The following CHD2 variants were observed in gnomAD, a reference collection of about 807,000 sequenced individuals.
The protein encoded by CHD2 is ATP-dependent chromatin remodeler CHD2.
Under a neutral mutation model 243.9 loss-of-function variants are expected in CHD2, and 28 were observed. The observed-to-expected ratio is 0.11, with a 90% CI of 0.09 to 0.16. CHD2 has a LOEUF of 0.16. CHD2 is among the 10% of genes least tolerant of loss of function. The pLI is 1.00. For missense variants in CHD2, 1,386 were observed against 2,209.8 expected (o/e 0.63, Z 7.47); for synonymous variants, 775 against 779.0 (o/e 0.99, Z 0.09).
At chr15:92,957,596 G>A (rs1376560673) in intron 16 of CHD2, among the ~76,000 whole-genome samples, 1 of 151,610 alleles carries the variant, frequency 6.6e-6, no homozygotes, top group Non-Finnish European at 1.5e-5. Flanking sequence ...AGCACCTGGT[G>A]CACAGTAAAC....
At chr15:93,005,581 TGGCAGCAAA>T (rs2141877523) in intron 34 of CHD2, among the ~76,000 whole-genome samples, 1 of 152,306 alleles carries the variant, frequency 6.6e-6, no homozygotes, top group South Asian at 2.1e-4. Context: ...TTCCATCCTG[TGGCAGCAAA>T]GGACCCTGTT....
intron 23 of CHD2, among the ~76,000 whole-genome samples, 198 bp from the exon 24 acceptor site, chr15:92,981,167 T>C (rs1385887824): frequency 6.6e-6 from 1 of 152,172 alleles, no homozygotes; most frequent in Non-Finnish European, 1.5e-5. Context: ...AAGTTTCACC[T>C]TGTCATTTGT....
At chr15:93,015,014 C>A (rs2054440620) in intron 37 of CHD2, 105 bp downstream of exon 37, 1 of 829,876 alleles carries the variant, frequency 1.2e-6, no homozygotes, top group Non-Finnish European at 2.0e-6. Context: ...GCTTTATTAT[C>A]TTCTAACACT....
intron 2 of CHD2, among the ~76,000 whole-genome samples, chr15:92,907,467 T>C (rs1336766573): frequency 1.3e-5 from 2 of 152,166 alleles, no homozygotes; most frequent in Non-Finnish European, 2.9e-5. Flanking sequence ...GTAGAGATAG[T>C]CTTGATTTTA....
intron 9 of CHD2, chr15:92,943,678 A>C (rs2053418035): frequency 6.4e-6 from 1 of 155,188 alleles, no homozygotes; most frequent in Non-Finnish European, 1.4e-5. Context: ...ATGTGGAGCT[A>C]TAGCACACAA....
intron 34 of CHD2, among the ~76,000 whole-genome samples, chr15:93,008,317 C>T (rs1074513): frequency 0.43 from 66,051 of 152,000 alleles, 15,167 homozygotes; most frequent in East Asian, 0.84. Context: ...GCTCAGAGGT[C>T]CTTTTATCCT....
At chr15:92,937,143 A>G (rs1035649395) in intron 5 of CHD2, among the ~76,000 whole-genome samples, 1 of 152,148 alleles carries the variant, frequency 6.6e-6, no homozygotes, top group African/African-American at 2.4e-5. Context: ...GATTACAGGC[A>G]TGGACCATCT....
At position 92,900,387 on chromosome 15, in the gene CHD2, C is replaced by CT. The variant is rs2052512715; in HGVS notation, c.-506dup. ...AGAGAGAGCGCGCTCTGCTCCCTGC[C>CT]TTTGCCTCACTTTACGCAACTTTCC... On this transcript the variant is annotated 5_prime_UTR_variant, in exon 1 of 39. Coordinates refer to ENST00000394196, the MANE Select transcript of CHD2 (RefSeq NM_001271.4). 2.5e-6 allele frequency: 1 copy of CT among 394,030 alleles called. No homozygotes were observed. Among genetic ancestry groups the CT allele is most frequent in the South Asian group, 1.4e-4 (1 of 7,010 alleles). The allele number at this position is 394,030 out of a possible 1,614,324, so 24.4% of individuals were successfully genotyped here. A position where few individuals can be genotyped will look rare whatever the true frequency, so the allele number is the denominator to read the frequency against.
At chr15:93,000,485 T>C in intron 31 of CHD2, 27 bp from the exon 32 acceptor site, 1 of 1,595,572 alleles carries the variant, frequency 6.3e-7, no homozygotes, top group Non-Finnish European at 8.5e-7. Flanking sequence ...ATTTGTATTT[T>C]AATCATCATT....
intron 36 of CHD2, among the ~76,000 whole-genome samples, chr15:93,014,363 C>G (rs2054432099): frequency 6.6e-6 from 1 of 152,134 alleles, no homozygotes; most frequent in East Asian, 1.9e-4. Context: ...AGTTGGTAGT[C>G]TTGGTTTTAC....
At chr15:93,002,552 A>G (rs751552903) in intron 33 of CHD2, among the ~76,000 whole-genome samples, 18 of 152,252 alleles carry the variant, frequency 1.2e-4, no homozygotes, top group Non-Finnish European at 2.4e-4. Context: ...CTTTTATGAC[A>G]TATTTCAGGG....
intron 2 of CHD2, among the ~76,000 whole-genome samples, chr15:92,913,818 A>T (rs35813181): frequency 0.15 from 22,113 of 152,044 alleles, 1,735 homozygotes; most frequent in East Asian, 0.24. Context: ...CATTACGTGC[A>T]CTCCATCCTG....
intron 17 of CHD2, among the ~76,000 whole-genome samples, chr15:92,969,724 C>G (rs2053814932): frequency 6.6e-6 from 1 of 152,074 alleles, no homozygotes. Context: ...TCTCACTTCC[C>G]AACCACACCA....
intron 20 of CHD2, among the ~76,000 whole-genome samples, chr15:92,975,151 C>T (rs951543282): frequency 2.6e-5 from 4 of 152,188 alleles, no homozygotes. Context: ...TTTATCTCCC[C>T]TGTTCTGGGT....
intron 2 of CHD2, among the ~76,000 whole-genome samples, chr15:92,917,406 A>G (rs1156884282): frequency 6.6e-6 from 1 of 152,170 alleles, no homozygotes; most frequent in African/African-American, 2.4e-5. Context: ...TAAAAATACA[A>G]AACAATTAGC....
intron 2 of CHD2, among the ~76,000 whole-genome samples, chr15:92,918,152 A>G (rs1186977802): frequency 6.6e-6 from 1 of 152,232 alleles, no homozygotes; most frequent in Non-Finnish European, 1.5e-5. Context: ...GCGATTAAAA[A>G]TGGAACAGTA....
chr15:92,971,964 C>T lies in CHD2; in HGVS notation c.2352+37C>T, dbSNP rs181198036. 137 of 1,575,380 alleles carry T rather than the reference C, an allele frequency of 8.7e-5. 1 individual carries two copies. The South Asian group carries it at 1.0e-3, about 12-fold the overall frequency. On this transcript the variant is annotated intron_variant, in intron 18 of 38. Transcript: ENST00000394196. ...CTCATAATTACTTTCTCAAAAAAAA[C>T]GCTTAGTTTCTCTAGGTGCTTTTCA...
chr15:93,001,319 A>C (rs2054253203), intron 32 of CHD2, among the ~76,000 whole-genome samples: 1 of 152,192 alleles, frequency 6.6e-6, no homozygotes, highest in African/African-American at 2.4e-5. Context: ...CCTGTGGGTC[A>C]GGTTTGGCTT....
chr15:92,979,465 C>T (rs1231612414), intron 22 of CHD2, among the ~76,000 whole-genome samples, 182 bp downstream of exon 22: 1 of 152,026 alleles, frequency 6.6e-6, no homozygotes, highest in Non-Finnish European at 1.5e-5. Context: ...TGCCCATCAC[C>T]CCCCTTCTTA....
Sources: gnomAD v4.1 joint callset for allele counts (sites outside exome capture counted in the v4.1 genomes callset) on GRCh38, gnomAD v4.1.1 for gene constraint, MANE v1.5 for transcripts, NCBI Gene and HGNC (gene_info 2026-07-23, HGNC 2026-07-21) for gene names.